ITSN1: variants seen among roughly 807,000 people sequenced by gnomAD.
ITSN1 encodes the protein intersectin 1.
Under a neutral mutation model 239.8 loss-of-function variants are expected in ITSN1, and 58 were observed. The ratio of observed to expected loss-of-function variants is 0.24; its 90% CI spans 0.20 to 0.30. ITSN1 has a LOEUF of 0.30. ITSN1 is among the 10% of genes least tolerant of loss of function. The probability of loss-of-function intolerance (pLI) is 1.00; values close to 1 mark genes in which losing one functional copy is unlikely to be tolerated. For synonymous variants in ITSN1, 780 were observed against 770.8 expected, an observed-to-expected ratio of 1.01 and a Z score of -0.20; for missense variants, 1,558 against 2,103.3, an observed-to-expected ratio of 0.74 and a Z score of 5.07.
In ITSN1 at chr21:33,896,715, T is replaced by TTCCTGTTGTTGCTTTCTTTCA. The variant is rs1350455843; in HGVS notation, c.*8416_*8436dup. ...GAGGCAGCTGACCATGAAGCTGGGC[T>TTCCTGTTGTTGCTTTCTTTCA]TCCTGTTGTTGCTTTCTTTCACGAG... is the stretch of plus-strand genomic sequence containing the variant. On this transcript the variant is annotated 3_prime_UTR_variant, in exon 40 of 40. Transcript: ENST00000381318. The TTCCTGTTGTTGCTTTCTTTCA allele has an allele frequency of 2.0e-5, 3 of 152,282 alleles. No individual in the cohort carries two copies. Among genetic ancestry groups the TTCCTGTTGTTGCTTTCTTTCA allele is most frequent in the Admixed American group, 6.5e-5 (1 of 15,286 alleles). 9.4% of individuals were successfully genotyped at this position (152,282 alleles called of 1,614,324 possible). A position where few individuals can be genotyped will look rare whatever the true frequency, so the allele number is the denominator to read the frequency against.
intron 5 of ITSN1, among the ~76,000 whole-genome samples, chr21:33,741,631 G>A (rs899429053): frequency 3.3e-5 from 5 of 151,976 alleles, no homozygotes; most frequent in Admixed American, 6.6e-5. Context: ...AGTGACTCAC[G>A]CCTGTAATCC....
At chr21:33,823,778 G>A (rs1372470944) in intron 25 of ITSN1, 125 bp downstream of exon 25, 3 of 852,504 alleles carry the variant, frequency 3.5e-6, no homozygotes, top group African/African-American at 3.4e-5. Flanking sequence ...AGTAAATCCA[G>A]TGTGACCTGT....
At position 33,811,131 on chromosome 21, in the gene ITSN1, A is replaced by G; in HGVS notation, c.2476A>G (p.Lys826Glu). ...TGATTCAACATCTGCCCCTGCCCCC[A>G]AACTGGCCTTGCGTGAGACCCCCGC... ...VTDSTSAPAP[K>E]LALRETPAPL... is the part of the protein sequence containing the mutation. The change falls in exon 21 of 40, where the codon AAA (lysine) becomes GAA (glutamate). Residue 826 changes from lysine to glutamate, a missense_variant. Physicochemically the swap from Lys to Glu is moderately conservative, Grantham distance 56. Transcript: ENST00000381318. 6.4e-7 allele frequency: 1 copy of G among 1,571,846 alleles called. No individual in the cohort carries two copies. The highest frequency in any genetic ancestry group is 2.3e-5 in the East Asian group (1 of 43,556).
chr21:33,705,874 A>G (rs2092232423), intron 1 of ITSN1, among the ~76,000 whole-genome samples: 1 of 152,168 alleles, frequency 6.6e-6, no homozygotes, highest in South Asian at 2.1e-4. Context: ...CATTTTGACT[A>G]TATATTTAGT....
At chr21:33,731,738 G>A (rs904326567) in intron 4 of ITSN1, among the ~76,000 whole-genome samples, 14 of 152,148 alleles carry the variant, frequency 9.2e-5, no homozygotes, top group African/African-American at 2.9e-4. Context: ...TACAGATTAG[G>A]CACCCGATGA....
At chr21:33,719,762 C>G (rs117849293) in intron 2 of ITSN1, among the ~76,000 whole-genome samples, 1 of 152,210 alleles carries the variant, frequency 6.6e-6, no homozygotes, top group East Asian at 1.9e-4. Context: ...TTCAGTTAAA[C>G]TAAACATAAG....
rs765697548 is a variant in ITSN1 at position 33,774,794 on chromosome 21, A to G, written c.1371A>G (p.Leu457=). Residue 457 remains leucine (L), a synonymous_variant, in exon 13 of 40, where the codon CTA becomes CTG. Coordinates refer to ENST00000381318, the MANE Select transcript of ITSN1 (RefSeq NM_003024.3). ...GGGAACGGAATCGAAGGCAAGAACT[A>G]CTAAATCAAAGAAACAAAGAACAAG... ...LEWERNRRQE[L]LNQRNKEQED... The G allele has an allele frequency of 6.2e-7, 1 of 1,614,082 alleles. No homozygotes were observed. Among genetic ancestry groups the G allele is most frequent in the Middle Eastern group, 1.6e-4 (1 of 6,062 alleles).
At chr21:33,684,589 T>C (rs1483917778) in intron 1 of ITSN1, among the ~76,000 whole-genome samples, 1 of 152,154 alleles carries the variant, frequency 6.6e-6, no homozygotes, top group African/African-American at 2.4e-5. Context: ...AGGGTACTTA[T>C]AATTTCCTTT....
At chr21:33,803,525 T>C (rs1008001400) in intron 20 of ITSN1, among the ~76,000 whole-genome samples, 2 of 152,142 alleles carry the variant, frequency 1.3e-5, no homozygotes, top group East Asian at 3.8e-4. Flanking sequence ...AAGATTTCCA[T>C]CAAAAAAGCA....
At chr21:33,682,496 T>C (rs2091021517) in intron 1 of ITSN1, among the ~76,000 whole-genome samples, 1 of 152,084 alleles carries the variant, frequency 6.6e-6, no homozygotes, top group African/African-American at 2.4e-5. Flanking sequence ...GTTACAGGCA[T>C]GAGCCACATA....
chr21:33,674,280 A>G (rs563682383), intron 1 of ITSN1, among the ~76,000 whole-genome samples: 34 of 152,338 alleles, frequency 2.2e-4, no homozygotes, highest in African/African-American at 8.2e-4. Flanking sequence ...GAATGATTTA[A>G]TGTGTTACTA....
In ITSN1 at chr21:33,885,456, A is replaced by G; in HGVS notation, c.4777A>G (p.Thr1593Ala). 2 of 1,614,148 alleles carry G rather than the reference A, an allele frequency of 1.2e-6. No individual in the cohort carries two copies. Among genetic ancestry groups the G allele is most frequent in the African/African-American group, 1.3e-5 (1 of 75,054 alleles). Residue 1593 changes from threonine to alanine, a missense_variant, in exon 38 of 40, where the codon ACA becomes GCA. Transcript: ENST00000381318. The part of the protein sequence containing the change: ...KAYLVRSQRA[T>A]GIGRLMVNVV... The stretch of plus-strand genomic sequence containing the variant: ...CGTCATAGTCCGTTCCCAAAGGGCA[A>G]CAGGCATTGGAAGGTTGATGGTGAA...
intron 30 of ITSN1, among the ~76,000 whole-genome samples, chr21:33,858,140 G>T (rs764432280): frequency 2.0e-5 from 3 of 152,114 alleles, no homozygotes; most frequent in Non-Finnish European, 4.4e-5. Context: ...CCCTTGTAGC[G>T]GGCCTGCAAG....
intron 4 of ITSN1, among the ~76,000 whole-genome samples, chr21:33,724,829 GT>G (rs1434152649): frequency 6.6e-6 from 1 of 151,926 alleles, no homozygotes; most frequent in Non-Finnish European, 1.5e-5. Context: ...TTTTTCTTCT[GT>G]TTTTTGTAAA....
chr21:33,817,706 T>C (rs188192382), intron 22 of ITSN1: 1 of 1,028,752 alleles, frequency 9.7e-7, no homozygotes, highest in East Asian at 6.1e-5. Context: ...GCAGTGCATG[T>C]AGATGTACAA....
At chr21:33,757,534 C>T (rs1344083397) in intron 8 of ITSN1, among the ~76,000 whole-genome samples, 1 of 151,980 alleles carries the variant, frequency 6.6e-6, no homozygotes, top group African/African-American at 2.4e-5. Flanking sequence ...TGGGAATAAA[C>T]AATAGAAATT....
At chr21:33,783,507 T>A (rs2070375570) in intron 16 of ITSN1, among the ~76,000 whole-genome samples, 1 of 152,204 alleles carries the variant, frequency 6.6e-6, no homozygotes, top group Non-Finnish European at 1.5e-5. Context: ...TGTGTTTGTG[T>A]GTACACTATA....
At chr21:33,720,064 T>G (rs1240696267) in intron 2 of ITSN1, among the ~76,000 whole-genome samples, 2 of 152,234 alleles carry the variant, frequency 1.3e-5, no homozygotes, top group Admixed American at 6.5e-5. Context: ...CCCTTCTTAA[T>G]TACTGTACAA....
At chr21:33,826,967 C>G in intron 26 of ITSN1, 104 bp downstream of exon 26, 1 of 945,352 alleles carries the variant, frequency 1.1e-6, no homozygotes, top group Non-Finnish European at 1.7e-6. Context: ...TAAAAAGAAT[C>G]TTTCCTAAGA....
Sources: allele counts gnomAD v4.1 joint callset (sites outside exome capture counted in the v4.1 genomes callset), GRCh38; gene constraint gnomAD v4.1.1; transcripts MANE v1.5; gene names NCBI Gene and HGNC (gene_info 2026-07-23, HGNC 2026-07-21).